Variants in EYS observed in about 807,000 individuals in gnomAD.
EYS encodes protein eyes shut homolog.
In EYS, 250 loss-of-function variants were observed where a neutral mutation model predicts 282.1. That is an observed-to-expected ratio of 0.89 (90% CI 0.80 to 0.98). The LOEUF is 0.98. Ranked by LOEUF, EYS falls within the 50% of genes least tolerant of loss-of-function variation. The pLI, the probability that EYS is intolerant of heterozygous loss-of-function variation, is 0.00. For missense variants in EYS, 4,016 were observed against 3,709.0 expected (o/e 1.08, Z -2.15); for synonymous variants, 1,355 against 1,282.9 (o/e 1.06, Z -1.20).
intron 33 of EYS, among the ~76,000 whole-genome samples, chr6:64,009,486 G>A (rs1225067953): frequency 1.3e-5 from 2 of 151,868 alleles, no homozygotes; most frequent in Admixed American, 6.6e-5. Flanking sequence ...GGGTTTCACC[G>A]GGTTAGCCAG....
chr6:64,255,522 C>A (rs1767360918), intron 30 of EYS, among the ~76,000 whole-genome samples: 1 of 151,992 alleles, frequency 6.6e-6, no homozygotes, highest in African/African-American at 2.4e-5. Flanking sequence ...TTTTGACAAA[C>A]TGTGCCTTTA....
Position 63,865,512 on chromosome 6 carries a change from A to G in EYS, c.7056-1154T>C, listed in dbSNP as rs891133594. On this transcript the variant is annotated intron_variant, in intron 35 of 42. Coordinates refer to ENST00000503581, the MANE Select transcript of EYS (RefSeq NM_001142800.2). Reference sequence around the variant, plus strand: ...CATTAGTTCATACACCTTGCCATATACAGATCTTAGGAGTTTACATCTTAT... The same window carrying G: ...CATTAGTTCATACACCTTGCCATATGCAGATCTTAGGAGTTTACATCTTAT... Among the ~76,000 whole-genome samples the G allele has an allele frequency of 4.6e-5, 7 of 151,542 alleles. No individual in the cohort carries two copies. The East Asian group carries it at 5.8e-4, about 13-fold the overall frequency.
intron 14 of EYS, among the ~76,000 whole-genome samples, chr6:64,989,160 C>A (rs1770964249): frequency 6.6e-6 from 1 of 151,000 alleles, no homozygotes; most frequent in East Asian, 2.0e-4. Flanking sequence ...TTAAAATTAA[C>A]TGACTGAGGC....
At chr6:65,423,681 T>G (rs2150378716) in intron 5 of EYS, among the ~76,000 whole-genome samples, 1 of 152,030 alleles carries the variant, frequency 6.6e-6, no homozygotes, top group South Asian at 2.1e-4. Flanking sequence ...GCTAACCCAC[T>G]TTTACATTCA....
intron 29 of EYS, among the ~76,000 whole-genome samples, chr6:64,328,931 A>G (rs921537276): frequency 2.0e-5 from 3 of 152,188 alleles, no homozygotes; most frequent in African/African-American, 7.2e-5. Flanking sequence ...TGAAGAATGA[A>G]TGCCCACAAA....
chr6:63,965,897 C>T (rs752714879), intron 35 of EYS, among the ~76,000 whole-genome samples: 4 of 152,084 alleles, frequency 2.6e-5, no homozygotes, highest in East Asian at 1.9e-4. Context: ...ATCAAATTGT[C>T]GAAAGAATAT....
At chr6:64,069,761 T>C (rs1482688826) in intron 32 of EYS, among the ~76,000 whole-genome samples, 1 of 152,114 alleles carries the variant, frequency 6.6e-6, no homozygotes, top group Non-Finnish European at 1.5e-5. Context: ...ACACTTAAAA[T>C]CCAGTGAGAA....
intron 28 of EYS, among the ~76,000 whole-genome samples, chr6:64,408,929 T>C (rs1349549580): frequency 6.6e-6 from 1 of 152,192 alleles, no homozygotes; most frequent in South Asian, 2.1e-4. Context: ...AGGAAGATTT[T>C]CATTCTTCAC....
chr6:65,579,269 CTT>C (rs1406762987), intron 2 of EYS, among the ~76,000 whole-genome samples: 1 of 151,940 alleles, frequency 6.6e-6, no homozygotes, highest in Non-Finnish European at 1.5e-5. Context: ...GATTTAGAAA[CTT>C]GAATATGAGG....
chr6:65,567,218 T>A (rs531499255), intron 2 of EYS, among the ~76,000 whole-genome samples: 1 of 151,294 alleles, frequency 6.6e-6, no homozygotes, highest in Non-Finnish European at 1.5e-5. Flanking sequence ...ATGCCCACTC[T>A]TCAGAACTGT....
intron 36 of EYS, among the ~76,000 whole-genome samples, chr6:63,863,155 G>T (rs1485030959): frequency 6.6e-6 from 1 of 152,198 alleles, no homozygotes; most frequent in Non-Finnish European, 1.5e-5. Context: ...AAGTGTCAAA[G>T]GAATAAATGT....
chr6:65,605,826 A>G, intron 2 of EYS, among the ~76,000 whole-genome samples: 1 of 151,788 alleles, frequency 6.6e-6, no homozygotes, highest in East Asian at 1.9e-4. Context: ...GTGTGTATAT[A>G]TTTATATATG....
intron 21 of EYS, among the ~76,000 whole-genome samples, chr6:64,813,951 C>G (rs1047415706): frequency 2.0e-5 from 3 of 151,992 alleles, no homozygotes; most frequent in Non-Finnish European, 4.4e-5. Context: ...CAAAACAGCC[C>G]CAGTTCAACT....
intron 29 of EYS, among the ~76,000 whole-genome samples, chr6:64,316,415 C>T (rs1196335591): frequency 1.3e-5 from 2 of 152,058 alleles, no homozygotes; most frequent in African/African-American, 2.4e-5. Flanking sequence ...TATTCCTATA[C>T]ACTAATAACA....
chr6:64,600,460 G>C (rs181862316), intron 24 of EYS, among the ~76,000 whole-genome samples: 16 of 152,124 alleles, frequency 1.1e-4, no homozygotes, highest in African/African-American at 3.1e-4. Flanking sequence ...AATATCAAAT[G>C]TTAAGAATAC....
At position 65,111,610 on chromosome 6, in the gene EYS, C is replaced by T. The variant is rs548133627; in HGVS notation, c.2024-53883G>A. On this transcript the variant is annotated intron_variant, in intron 12 of 42. Transcript: ENST00000503581. ...GGCCTGTAATCCCTCCCTATTGGGA[C>T]GCCAAGGCAGGCAGATCACCTGAGG... Among the ~76,000 whole-genome samples, 7 of 152,148 alleles carry T rather than the reference C, an allele frequency of 4.6e-5. No individual in the cohort carries two copies. In the South Asian group the frequency reaches 6.2e-4, roughly 14 times the overall value.
intron 18 of EYS, among the ~76,000 whole-genome samples, chr6:64,889,792 C>T (rs866321085): frequency 5.3e-5 from 8 of 151,944 alleles, no homozygotes; most frequent in African/African-American, 1.9e-4. Flanking sequence ...ATTGCATTAA[C>T]TGCACAAATT....
intron 5 of EYS, among the ~76,000 whole-genome samples, chr6:65,488,241 C>A (rs887409064): frequency 6.6e-6 from 1 of 151,904 alleles, no homozygotes; most frequent in African/African-American, 2.4e-5. Context: ...GCTCTTGCTT[C>A]TCTAGTTCTT....
chr6:64,835,118 G>A (rs1765342423), intron 19 of EYS, among the ~76,000 whole-genome samples: 1 of 151,718 alleles, frequency 6.6e-6, no homozygotes, highest in East Asian at 1.9e-4. Context: ...TTATAACATA[G>A]TTTAATTCCC....
Sources: allele counts gnomAD v4.1 joint callset (sites outside exome capture counted in the v4.1 genomes callset), GRCh38; gene constraint gnomAD v4.1.1; transcripts MANE v1.5; gene names NCBI Gene and HGNC (gene_info 2026-07-23, HGNC 2026-07-21).